Variants in BACC1 observed in about 807,000 individuals in gnomAD.
BACC1 encodes BPTF associated chromatin complex component 1.
the BACC1 span, chr17:7,016,019 AAGAAT>A: frequency 6.7e-5 from 44 of 656,872 alleles, no homozygotes; most frequent in African/African-American, 7.3e-4. Context: ...TGAGGACTGA[AAGAAT>A]AGAATTGTCA....
chr17:7,015,166 C>T, the BACC1 span: 1 of 1,565,854 alleles, frequency 6.4e-7, no homozygotes, highest in Non-Finnish European at 8.6e-7. Flanking sequence ...GGTACGTGAG[C>T]CCGGACTGGG....
the BACC1 span, chr17:7,017,228 A>G: frequency 6.2e-7 from 1 of 1,613,900 alleles, no homozygotes; most frequent in Admixed American, 1.7e-5. Flanking sequence ...GGCTCGCTCC[A>G]TCTCGGCCCA....
chr17:7,016,937 C>T, the BACC1 span: 1 of 1,614,096 alleles, frequency 6.2e-7, no homozygotes, highest in Non-Finnish European at 8.5e-7. Flanking sequence ...CTGAACGACT[C>T]CGATGCCAAC....
At chr17:7,014,883 G>A in the BACC1 span, 2 of 1,533,188 alleles carry the variant, frequency 1.3e-6, no homozygotes, top group South Asian at 1.2e-5. This position sits in a 1 kb window ranked among gnomAD's most constrained non-coding sequence, Gnocchi z 4.5. Context: ...ACAAAGGTTC[G>A]ACCTCCCTCG....
the BACC1 span, chr17:7,016,041 G>A: frequency 1.6e-6 from 1 of 611,872 alleles, no homozygotes. Flanking sequence ...GTCACAGTTG[G>A]TCAGAAGTTC....
At chr17:7,017,291 C>T in the BACC1 span, 2 of 1,613,992 alleles carry the variant, frequency 1.2e-6, no homozygotes, top group Non-Finnish European at 8.5e-7. Flanking sequence ...TTCTCATGAC[C>T]TCTGCTGATC....
At chr17:7,016,400 T>TA in the BACC1 span, 1 of 1,410,252 alleles carries the variant, frequency 7.1e-7, no homozygotes, top group Non-Finnish European at 9.7e-7. Context: ...CCTGGATTCT[T>TA]ATGAAGGGAC....
chr17:7,015,100 G>A, the BACC1 span: 1 of 1,574,590 alleles, frequency 6.4e-7, no homozygotes, highest in Non-Finnish European at 8.6e-7. Flanking sequence ...CCGCCTTCAC[G>A]AAGCTCGGGG....
the BACC1 span, chr17:7,015,356 C>T: frequency 4.6e-5 from 63 of 1,370,804 alleles, no homozygotes; most frequent in Non-Finnish European, 4.7e-6. Flanking sequence ...GCCCAGACTC[C>T]TGTTTCACAG....
chr17:7,015,676 G>A, the BACC1 span: 1 of 1,375,864 alleles, frequency 7.3e-7, no homozygotes, highest in South Asian at 1.3e-5. Flanking sequence ...CCCAGAAATC[G>A]GAAGGAGGCG....
chr17:7,016,867 G>C, the BACC1 span: 13 of 1,574,766 alleles, frequency 8.3e-6, no homozygotes, highest in Non-Finnish European at 1.1e-5. Context: ...TGGGGGAGAG[G>C]CTGTCAGGGG....
the BACC1 span, chr17:7,017,250 GT>G: frequency 6.2e-7 from 1 of 1,614,076 alleles, no homozygotes; most frequent in Non-Finnish European, 8.5e-7. Flanking sequence ...TTTACTTCCT[GT>G]TCCAGACAGC....
At chr17:7,016,354 G>C in the BACC1 span, 1 of 833,922 alleles carries the variant, frequency 1.2e-6, no homozygotes, top group South Asian at 1.7e-5. Flanking sequence ...AAAACTTCGA[G>C]AAAGTGAGAA....
At chr17:7,016,413 C>T in the BACC1 span, 1 of 1,486,056 alleles carries the variant, frequency 6.7e-7, no homozygotes, top group Middle Eastern at 1.7e-4. Flanking sequence ...GAAGGGACTC[C>T]CAGAACCCCT....
the BACC1 span, chr17:7,014,797 C>G: frequency 3.9e-6 from 6 of 1,520,150 alleles, no homozygotes; most frequent in Non-Finnish European, 5.3e-6. This position sits in a 1 kb window ranked among gnomAD's most constrained non-coding sequence, Gnocchi z 4.5. Context: ...CCCTGCTCTC[C>G]GTGGTCCCGG....
the BACC1 span, chr17:7,016,521 G>T: frequency 7.4e-6 from 12 of 1,613,732 alleles, no homozygotes; most frequent in Non-Finnish European, 9.3e-6. Flanking sequence ...ACTGTGAAAC[G>T]CAAGGTATAT....
At chr17:7,017,504 T>C in the BACC1 span, 1 of 717,462 alleles carries the variant, frequency 1.4e-6, no homozygotes, top group Non-Finnish European at 2.6e-6. Flanking sequence ...CAGAAAACAA[T>C]AAAGATTTCC....
the BACC1 span, chr17:7,015,063 T>C: frequency 1.3e-6 from 2 of 1,544,098 alleles, no homozygotes; most frequent in Non-Finnish European, 8.7e-7. Context: ...CGCCCCCAGG[T>C]CGGAGAGATC....
chr17:7,015,277 G>A, the BACC1 span: 2 of 1,411,806 alleles, frequency 1.4e-6, no homozygotes, highest in Non-Finnish European at 1.8e-6. Flanking sequence ...GCACAGCACA[G>A]AGTCGGTGTT....
Sources: allele counts gnomAD v4.1 joint callset, GRCh38; gene constraint gnomAD v4.1.1; non-coding constraint Gnocchi (gnomAD v3.1); transcripts MANE v1.5; gene names NCBI Gene and HGNC (gene_info 2026-07-23, HGNC 2026-07-21).